Variants in SND1 observed in about 807,000 individuals in gnomAD.
The protein encoded by SND1 is staphylococcal nuclease domain-containing protein 1.
A neutral mutation model predicts 121.7 loss-of-function variants in SND1; 38 were observed. The observed-to-expected ratio is 0.31, with a 90% confidence interval of 0.24 to 0.41. The LOEUF is 0.41. Ranked by LOEUF, SND1 falls within the 10% of genes least tolerant of loss-of-function variation. SND1 has a pLI of 1.00. For missense variants in SND1, 868 were observed against 1,184.6 expected (o/e 0.73, Z 3.92); for synonymous variants, 401 against 447.4 (o/e 0.90, Z 1.31).
chr7:128,061,815 T>C (rs985012951), intron 16 of SND1, among the ~76,000 whole-genome samples: 1 of 152,218 alleles, frequency 6.6e-6, no homozygotes, highest in Non-Finnish European at 1.5e-5. Flanking sequence ...GGCTTTTCCT[T>C]GCATTCCTGA....
At chr7:127,797,568 T>C (rs1798050187) in intron 10 of SND1, among the ~76,000 whole-genome samples, 2 of 152,230 alleles carry the variant, frequency 1.3e-5, no homozygotes. Flanking sequence ...GAAATGTTTG[T>C]GTCCGGTTAC....
chr7:127,713,386 G>A (rs1258823613), intron 9 of SND1, among the ~76,000 whole-genome samples: 3 of 152,194 alleles, frequency 2.0e-5, no homozygotes, highest in African/African-American at 7.2e-5. Flanking sequence ...CATTTTACCT[G>A]ATTTAAAATA....
chr7:127,970,749 G>A (rs1801965441), intron 15 of SND1, among the ~76,000 whole-genome samples: 1 of 152,018 alleles, frequency 6.6e-6, no homozygotes, highest in Admixed American at 6.6e-5. Flanking sequence ...TTGTATGTTT[G>A]TCCTCTCATG....
At chr7:127,867,029 A>G (rs563650993) in intron 12 of SND1, among the ~76,000 whole-genome samples, 6 of 152,180 alleles carry the variant, frequency 3.9e-5, no homozygotes, top group African/African-American at 1.4e-4. Flanking sequence ...AACTAGTGTT[A>G]TTTTTAATTG....
intron 15 of SND1, among the ~76,000 whole-genome samples, chr7:127,946,906 T>C (rs1049819859): frequency 6.6e-6 from 1 of 152,270 alleles, no homozygotes; most frequent in African/African-American, 2.4e-5. Context: ...GCTATTTATG[T>C]ATTTTTAGAA....
At chr7:127,752,569 A>C (rs928296430) in intron 10 of SND1, among the ~76,000 whole-genome samples, 3 of 152,192 alleles carry the variant, frequency 2.0e-5, no homozygotes. Context: ...AGTATAATGC[A>C]GGGGCCAGGA....
intron 15 of SND1, among the ~76,000 whole-genome samples, chr7:127,944,204 C>G (rs945548938): frequency 3.3e-5 from 5 of 152,234 alleles, no homozygotes; most frequent in Non-Finnish European, 7.3e-5. Context: ...TGTTGCTGCT[C>G]TCTGCAGCCA....
chr7:127,801,280 G>A (rs926533295), intron 10 of SND1, among the ~76,000 whole-genome samples: 1 of 152,176 alleles, frequency 6.6e-6, no homozygotes, highest in African/African-American at 2.4e-5. Context: ...TTGCCAATAT[G>A]TTGGAGGTAC....
chr7:128,030,753 G>A (rs1471712462), intron 16 of SND1: 3 of 1,333,484 alleles, frequency 2.2e-6, no homozygotes, highest in East Asian at 2.4e-5. Flanking sequence ...GGAGAAGGAG[G>A]TGGGGAGGGG....
chr7:127,838,786 T>A (rs1798912397), intron 11 of SND1, among the ~76,000 whole-genome samples: 1 of 152,216 alleles, frequency 6.6e-6, no homozygotes, highest in South Asian at 2.1e-4. Context: ...TCAACATGTA[T>A]CTGATTTATG....
intron 16 of SND1, among the ~76,000 whole-genome samples, chr7:128,004,167 G>C (rs1021794368): frequency 1.3e-5 from 2 of 152,032 alleles, no homozygotes; most frequent in Admixed American, 1.3e-4. Flanking sequence ...AGTTTCTGGA[G>C]ATTAAGCAAG....
chr7:127,886,328 T>C (rs1465014059), intron 12 of SND1, among the ~76,000 whole-genome samples: 2 of 151,940 alleles, frequency 1.3e-5, no homozygotes, highest in Admixed American at 1.3e-4. Flanking sequence ...AAGCATGTTC[T>C]CCTGGGTTTT....
chr7:128,037,604 C>T (rs1792773172), intron 16 of SND1, among the ~76,000 whole-genome samples: 1 of 152,156 alleles, frequency 6.6e-6, no homozygotes, highest in African/African-American at 2.4e-5. Flanking sequence ...TGTGATGTGC[C>T]ATTTAACATG....
chr7:127,766,570 T>C (rs1241339308), intron 10 of SND1, among the ~76,000 whole-genome samples: 2 of 151,852 alleles, frequency 1.3e-5, no homozygotes, highest in Non-Finnish European at 2.9e-5. Context: ...GGTCAGGAGA[T>C]CAAGACCATC....
intron 1 of SND1, among the ~76,000 whole-genome samples, chr7:127,684,742 G>A (rs759616163): frequency 9.9e-4 from 151 of 152,130 alleles, no homozygotes; most frequent in Non-Finnish European, 1.9e-3. Flanking sequence ...AACGAAAAGC[G>A]TGCCTGTAAC....
chr7:127,691,144 A>G (rs75215288), intron 2 of SND1, among the ~76,000 whole-genome samples: 3,375 of 152,318 alleles, frequency 0.022, 61 homozygotes, highest in Non-Finnish European at 0.037. Context: ...AAATATAGAA[A>G]TGAGTGTCAC....
intron 12 of SND1, among the ~76,000 whole-genome samples, chr7:127,883,744 G>A (rs550800203): frequency 6.6e-6 from 1 of 152,132 alleles, no homozygotes; most frequent in Non-Finnish European, 1.5e-5. Context: ...TGCAGTTAGA[G>A]GTCATGTCAC....
chr7:127,928,679 C>T (rs1420261070), intron 14 of SND1, among the ~76,000 whole-genome samples: 1 of 152,104 alleles, frequency 6.6e-6, no homozygotes, highest in East Asian at 1.9e-4. Context: ...ACCTCCACCT[C>T]CCAGGTTCAA....
chr7:128,040,518 C>T (rs1792836844), intron 16 of SND1, among the ~76,000 whole-genome samples: 2 of 149,738 alleles, frequency 1.3e-5, no homozygotes, highest in Non-Finnish European at 3.0e-5. Context: ...AGACCTTTCT[C>T]CTGGGAATAT....
Sources: gnomAD v4.1 joint callset for allele counts (sites outside exome capture counted in the v4.1 genomes callset) on GRCh38, gnomAD v4.1.1 for gene constraint, MANE v1.5 for transcripts, NCBI Gene and HGNC (gene_info 2026-07-23, HGNC 2026-07-21) for gene names.